The following GRK1 variants were observed in gnomAD, a reference collection of about 807,000 sequenced individuals.
GRK1 encodes the protein rhodopsin kinase GRK1.
Under a neutral mutation model 41.7 loss-of-function variants are expected in GRK1, and 28 were observed. The ratio of observed to expected loss-of-function variants is 0.67; its 90% CI spans 0.50 to 0.92. GRK1 has a LOEUF of 0.92. Ranked by LOEUF, GRK1 falls within the 40% of genes least tolerant of loss-of-function variation. GRK1 has a pLI of 0.00. For synonymous variants in GRK1, 327 were observed against 286.7 expected, an observed-to-expected ratio of 1.14 and a Z score of -1.42; for missense variants, 703 against 671.2, an observed-to-expected ratio of 1.05 and a Z score of -0.52.
intron 6 of GRK1, among the ~76,000 whole-genome samples, chr13:113,733,728 C>CGCGTGTGTATGTGTGCATACATGTGTGT (rs1429344159): frequency 2.3e-5 from 2 of 85,348 alleles, no homozygotes; most frequent in Non-Finnish European, 4.8e-5. Context: ...TGTGTGTGCG[C>CGCGTGTGTATGTGTGCATACATGTGTGT]GCGTGTGTAT....
Position 113,731,060 on chromosome 13 carries a change from C to A in GRK1, c.1070-159C>A. The A allele has an allele frequency of 4.8e-6, 3 of 628,882 alleles. No homozygotes were observed. The highest frequency in any genetic ancestry group is 5.9e-6 in the Non-Finnish European group (3 of 504,416). 39.0% of individuals were successfully genotyped at this position (628,882 alleles called of 1,614,324 possible). A position where few individuals can be genotyped will look rare whatever the true frequency, so the allele number is the denominator to read the frequency against. ...GTGCTGCTTGGCACCCAGTAACACA[C>A]AGGGCAGCCCCTCCACAAAGGATTT... On this transcript the variant is annotated intron_variant, in intron 4 of 6. Transcript: ENST00000335678. This position sits in a 1 kb window ranked among gnomAD's most constrained non-coding sequence, Gnocchi z 5.6.
At chr13:113,654,326 G>A in the GRK1 span, among the ~76,000 whole-genome samples, 2 of 152,322 alleles carry the variant, frequency 1.3e-5, no homozygotes, top group South Asian at 2.1e-4. Flanking sequence ...GGCCTCTGAC[G>A]ACTCGGATGC....
chr13:113,654,765 G>A, the GRK1 span: 77 of 1,593,240 alleles, frequency 4.8e-5, 1 homozygote, highest in Middle Eastern at 3.4e-4. Flanking sequence ...CCGAGGAGGC[G>A]GCAGCCTGGC....
At chr13:113,652,746 A>C in the GRK1 span, 1 of 1,075,188 alleles carries the variant, frequency 9.3e-7, no homozygotes, top group African/African-American at 1.6e-5. Context: ...CAGGGTGGTG[A>C]GGCTGGAGTC....
At chr13:113,670,326 TG>T (rs2049848531) in intron 2 of GRK1, among the ~76,000 whole-genome samples, 1 of 152,186 alleles carries the variant, frequency 6.6e-6, no homozygotes, top group African/African-American at 2.4e-5. Flanking sequence ...AGGCCCGTGC[TG>T]GGGATCAGAT....
At chr13:113,649,275 G>A in the GRK1 span, 1 of 1,420,330 alleles carries the variant, frequency 7.0e-7, no homozygotes, top group Non-Finnish European at 9.5e-7. The surrounding 1 kb of genome is among the most constrained non-coding windows in gnomAD (Gnocchi z 4.7). Context: ...ACCACTTTGG[G>A]GATGATTTGG....
At chr13:113,661,995 ACAAAAT>A in the GRK1 span, among the ~76,000 whole-genome samples, 1 of 152,244 alleles carries the variant, frequency 6.6e-6, no homozygotes, top group Non-Finnish European at 1.5e-5. Context: ...TACCTTTATA[ACAAAAT>A]CAGACAAGGA....
At chr13:113,732,104 G>C (rs746448154) in intron 5 of GRK1, among the ~76,000 whole-genome samples, 6 of 152,182 alleles carry the variant, frequency 3.9e-5, no homozygotes, top group Non-Finnish European at 7.3e-5. Flanking sequence ...CTGACTCAGA[G>C]CTCAGGGCTG....
At chr13:113,728,973 G>A (rs1274587891) in intron 4 of GRK1, among the ~76,000 whole-genome samples, 2 of 152,172 alleles carry the variant, frequency 1.3e-5, no homozygotes, top group Non-Finnish European at 2.9e-5. Flanking sequence ...GGGGGTGCCC[G>A]GAGGCTGCAG....
intron 6 of GRK1, among the ~76,000 whole-genome samples, chr13:113,733,746 TAC>T (rs2049965061): frequency 8.4e-6 from 1 of 119,412 alleles, no homozygotes; most frequent in African/African-American, 2.9e-5. Context: ...TATGTGTGCA[TAC>T]ATGTGTGTGC....
At chr13:113,730,689 C>T (rs2140730457) in intron 4 of GRK1, among the ~76,000 whole-genome samples, 2 of 152,350 alleles carry the variant, frequency 1.3e-5, no homozygotes, top group Middle Eastern at 3.4e-3. Flanking sequence ...GGAGAGGACA[C>T]AGCCATAGCA....
At chr13:113,661,048 A>G in the GRK1 span, among the ~76,000 whole-genome samples, 1 of 152,236 alleles carries the variant, frequency 6.6e-6, no homozygotes, top group Non-Finnish European at 1.5e-5. Flanking sequence ...CAGAGAATAC[A>G]CATTCTCTTT....
At chr13:113,654,808 G>A in the GRK1 span, 974 of 1,613,376 alleles carry the variant, frequency 6.0e-4, 1 homozygote, top group Middle Eastern at 3.8e-3. Flanking sequence ...CATCCCGGGC[G>A]CTTACCTGGT....
chr13:113,733,910 CA>C (rs1566700320), intron 6 of GRK1, among the ~76,000 whole-genome samples: 3 of 56,204 alleles, frequency 5.3e-5, no homozygotes, highest in Admixed American at 1.9e-4. Context: ...TGTGTGCATA[CA>C]GTGTGCGTGT....
chr13:113,658,845 C>A, the GRK1 span, among the ~76,000 whole-genome samples: 1 of 152,234 alleles, frequency 6.6e-6, no homozygotes, highest in African/African-American at 2.4e-5. Flanking sequence ...TAAACACAAA[C>A]CCCTAAATCT....
chr13:113,723,972 G>A (rs1340397929), intron 4 of GRK1, among the ~76,000 whole-genome samples: 3 of 152,082 alleles, frequency 2.0e-5, no homozygotes, highest in Non-Finnish European at 4.4e-5. Flanking sequence ...GTGTTCCTGT[G>A]TATGCATGCC....
intron 4 of GRK1, among the ~76,000 whole-genome samples, chr13:113,725,205 A>G (rs1406721435): frequency 6.6e-6 from 1 of 152,142 alleles, no homozygotes; most frequent in African/African-American, 2.4e-5. Flanking sequence ...AGCGAGAGAC[A>G]CCACAGCCAT....
In GRK1 at chr13:113,732,898, G is replaced by C; in HGVS notation, c.1209G>C (p.Glu403Asp). The change falls in exon 6 of 7, where the codon GAG (glutamate) becomes GAC (aspartate). Residue 403 changes from glutamate to aspartate, a missense_variant. Coordinates refer to ENST00000335678, the MANE Select transcript of GRK1 (RefSeq NM_002929.3). The stretch of plus-strand genomic sequence containing the variant: ...TGTCCCCACAGGTGGAGAACAAGGA[G>C]CTGAAGCACCGGATCATCTCAGAGC... ...RARGEKVENKELKHRIISEPV... is the reference protein window; with the variant it reads ...RARGEKVENKDLKHRIISEPV... The C allele has an allele frequency of 6.5e-7, 1 of 1,536,672 alleles. No individual in the cohort carries two copies. Among genetic ancestry groups the C allele is most frequent in the Non-Finnish European group, 8.7e-7 (1 of 1,146,888 alleles).
the GRK1 span, chr13:113,654,929 C>T: frequency 1.2e-6 from 2 of 1,614,154 alleles, 1 homozygote; most frequent in South Asian, 2.2e-5. Context: ...CCACGTAGTA[C>T]AGGCTGATCC....
Sources: gnomAD v4.1 joint callset for allele counts (sites outside exome capture counted in the v4.1 genomes callset) on GRCh38, gnomAD v4.1.1 for gene constraint, Gnocchi (gnomAD v3.1) non-coding constraint, MANE v1.5 for transcripts, NCBI Gene and HGNC (gene_info 2026-07-23, HGNC 2026-07-21) for gene names.